PUS10: variants seen among roughly 807,000 people sequenced by gnomAD.
PUS10 encodes the protein tRNA pseudouridine synthase Pus10.
Under a neutral mutation model 75.0 loss-of-function variants are expected in PUS10, and 59 were observed. That is an observed-to-expected ratio of 0.79 (90% CI 0.64 to 0.98). The LOEUF (loss-of-function observed/expected upper bound fraction) is 0.98. PUS10 is among the 50% of genes least tolerant of loss of function. PUS10 has a pLI of 0.00. For synonymous variants in PUS10, 219 were observed against 211.6 expected, an observed-to-expected ratio of 1.03 and a Z score of -0.30; for missense variants, 650 against 614.4, an observed-to-expected ratio of 1.06 and a Z score of -0.61.
rs150700030 is a variant in PUS10, at chr2:61,009,994, A to G, written c.127-979T>C. 3.3e-3 allele frequency: 509 copies of G among 152,412 alleles called. 3 individuals carry two copies. The highest frequency in any genetic ancestry group is 6.0e-3 in the Non-Finnish European group (409 of 68,030). The allele number at this position is 152,412 out of a possible 1,614,324, so 9.4% of individuals were successfully genotyped here. A position where few individuals can be genotyped will look rare whatever the true frequency, so the allele number is the denominator to read the frequency against. On this transcript the variant is annotated intron_variant, in intron 2 of 17. Transcript: ENST00000316752. ...CTATAATATAGATATAACATAGTGC[A>G]TATACAGATGTGCATGTACATACAT...
chr2:61,007,068 A>G (rs1024611202), intron 3 of PUS10, among the ~76,000 whole-genome samples: 1 of 152,210 alleles, frequency 6.6e-6, no homozygotes, highest in Non-Finnish European at 1.5e-5. Flanking sequence ...ACTTTTCTGT[A>G]ACTTAGCTAT....
In PUS10 at chr2:60,993,006, C is replaced by G. The variant is rs192591490; in HGVS notation, c.468+13551G>C. Among the ~76,000 whole-genome samples, 300 of 152,314 alleles carry G rather than the reference C, an allele frequency of 2.0e-3. 1 individual carries two copies. The highest frequency in any genetic ancestry group is 3.8e-4 in the Non-Finnish European group (26 of 68,024). ...TAGCCCTCTGCAAGTACGTGCTGAG[C>G]ACTCTTGCCCTGGCTCTGGAGACTG... On this transcript the variant is annotated intron_variant, in intron 4 of 17. Transcript: ENST00000316752.
chr2:61,002,491 G>C (rs1678918207), intron 4 of PUS10, among the ~76,000 whole-genome samples: 1 of 152,056 alleles, frequency 6.6e-6, no homozygotes, highest in South Asian at 2.1e-4. Context: ...TTCCAGGCTG[G>C]AGTGGGAGCA....
At chr2:60,996,669 G>A (rs140115603) in intron 4 of PUS10, among the ~76,000 whole-genome samples, 7 of 151,916 alleles carry the variant, frequency 4.6e-5, no homozygotes, top group South Asian at 2.1e-4. Flanking sequence ...TAAACGGGAC[G>A]CATGGGCAAA....
intron 4 of PUS10, among the ~76,000 whole-genome samples, chr2:61,005,608 A>T (rs1679159428): frequency 6.6e-6 from 1 of 152,228 alleles, no homozygotes; most frequent in Non-Finnish European, 1.5e-5. Context: ...AGAAGATGGC[A>T]CATCAGTGAG....
chr2:60,966,002 A>C (rs1484463636), intron 6 of PUS10: 1 of 152,120 alleles, frequency 6.6e-6, no homozygotes, highest in African/African-American at 2.4e-5. Context: ...AAATTATAAA[A>C]TGATCAAATA....
intron 3 of PUS10, among the ~76,000 whole-genome samples, chr2:61,007,958 T>A (rs1329904037): frequency 1.3e-5 from 2 of 151,346 alleles, no homozygotes; most frequent in African/African-American, 4.9e-5. Flanking sequence ...GTGCCTGTAG[T>A]CCCAGCTACT....
chr2:60,972,781 A>T (rs1676768779), intron 4 of PUS10, among the ~76,000 whole-genome samples: 1 of 152,256 alleles, frequency 6.6e-6, no homozygotes, highest in Non-Finnish European at 1.5e-5. Flanking sequence ...CTAAACTAAC[A>T]GGACTTCCTT....
chr2:60,968,264 T>G (rs1434951973), intron 5 of PUS10, among the ~76,000 whole-genome samples: 1 of 152,118 alleles, frequency 6.6e-6, no homozygotes, highest in Non-Finnish European at 1.5e-5. Context: ...GTTTGTAACC[T>G]AAAATTGTGA....
Position 61,011,903 on chromosome 2 carries a change from T to C in PUS10, c.-13A>G. ...TCAGTGGGAACATATTGAATAATTA[T>C]AACTAGAAAGAAAAGAAGTAAAACT... On this transcript the variant is annotated splice_region_variant and 5_prime_UTR_variant, in exon 2 of 18. Transcript: ENST00000316752. 6.3e-7 allele frequency: 1 copy of C among 1,589,140 alleles called. No homozygotes were observed. The highest frequency in any genetic ancestry group is 8.5e-7 in the Non-Finnish European group (1 of 1,172,892).
chr2:60,942,375 T>G lies in PUS10; in HGVS notation c.*20A>C. On this transcript the variant is annotated 3_prime_UTR_variant, in exon 18 of 18. Transcript: ENST00000316752. The stretch of plus-strand genomic sequence containing the variant: ...ACATCATGCCAGGAAAACCATACTC[T>G]TTGTCTCCAAATTTGAAAGCTAGTC... 6.2e-7 allele frequency: 1 copy of G among 1,610,114 alleles called. No homozygotes were observed. The highest frequency in any genetic ancestry group is 1.1e-5 in the South Asian group (1 of 91,004).
At chr2:61,016,858 C>T (rs770331462) in intron 1 of PUS10, among the ~76,000 whole-genome samples, 2 of 152,120 alleles carry the variant, frequency 1.3e-5, no homozygotes, top group Admixed American at 6.6e-5. Flanking sequence ...TCATTCGTAA[C>T]GCGGCGTGGG....
At chr2:60,961,319 TG>T in intron 10 of PUS10, 143 bp downstream of exon 10, 1 of 674,110 alleles carries the variant, frequency 1.5e-6, no homozygotes, top group Non-Finnish European at 2.6e-6. Flanking sequence ...AAAATAAGTT[TG>T]GCTATTGATT....
In PUS10 at chr2:61,018,246, CAA is replaced by C. The variant is rs1680147973; in HGVS notation, c.-256_-255del. 1.9e-6 allele frequency: 3 copies of C among 1,550,950 alleles called. No individual in the cohort carries two copies. Among genetic ancestry groups the C allele is most frequent in the African/African-American group, 2.7e-5 (2 of 73,014 alleles). On this transcript the variant is annotated 5_prime_UTR_variant, in exon 1 of 18. Coordinates refer to ENST00000316752, the MANE Select transcript of PUS10 (RefSeq NM_144709.4). The stretch of plus-strand genomic sequence containing the variant: ...GTCCAGCCACGGCATCGACAGGGAG[CAA>C]AGTCTCTCCTTAAAGGTGTTAACCT...
chr2:61,014,210 C>A (rs1018969130), intron 1 of PUS10, among the ~76,000 whole-genome samples: 26 of 152,078 alleles, frequency 1.7e-4, no homozygotes, highest in Admixed American at 1.3e-4. Context: ...CCTATCTCTA[C>A]TAAAAATACA....
chr2:60,954,263 G>A (rs1190511912), intron 12 of PUS10, 105 bp from the exon 13 acceptor site: 10 of 979,682 alleles, frequency 1.0e-5, no homozygotes, highest in African/African-American at 3.2e-5. Context: ...GAGCTCTAGA[G>A]GACTGAAAGT....
rs202038267 is a variant in PUS10 at position 61,011,907 on chromosome 2, T to C, written c.-15-2A>G. The C allele has an allele frequency of 6.0e-5, 95 of 1,588,130 alleles. No homozygotes were observed. The highest frequency in any genetic ancestry group is 6.0e-6 in the Non-Finnish European group (7 of 1,172,246). ...TGGGAACATATTGAATAATTATAACTAGAAAGAAAAGAAGTAAAACTAATG... is the reference window on the plus strand; with the variant it reads ...TGGGAACATATTGAATAATTATAACCAGAAAGAAAAGAAGTAAAACTAATG... On this transcript the variant is annotated splice_acceptor_variant, in intron 1 of 17. Transcript: ENST00000316752. LOFTEE classifies it low-confidence loss of function (5UTR_SPLICE).
intron 5 of PUS10, among the ~76,000 whole-genome samples, chr2:60,967,964 C>A (rs1676443124): frequency 6.6e-6 from 1 of 152,114 alleles, no homozygotes; most frequent in Non-Finnish European, 1.5e-5. Flanking sequence ...GTTTACTGCT[C>A]ACAAACTATA....
At chr2:60,985,107 C>A (rs990151172) in intron 4 of PUS10, among the ~76,000 whole-genome samples, 7 of 152,002 alleles carry the variant, frequency 4.6e-5, no homozygotes, top group Non-Finnish European at 7.4e-5. Flanking sequence ...AACTCACAAC[C>A]AATTATCTAA....
Sources: allele counts gnomAD v4.1 joint callset (sites outside exome capture counted in the v4.1 genomes callset), GRCh38; gene constraint gnomAD v4.1.1; transcripts MANE v1.5; gene names NCBI Gene and HGNC (gene_info 2026-07-23, HGNC 2026-07-21).